LMAN2: variants seen among roughly 807,000 people sequenced by gnomAD.
LMAN2 encodes the protein vesicular integral-membrane protein VIP36.
Under a neutral mutation model 39.3 loss-of-function variants are expected in LMAN2, and 22 were observed. The observed-to-expected ratio is 0.56, with a 90% CI of 0.40 to 0.80. LMAN2 has a LOEUF of 0.80. LMAN2 is among the 30% of genes least tolerant of loss of function. The pLI, the probability that LMAN2 is intolerant of heterozygous loss-of-function variation, is 0.00. For synonymous variants in LMAN2, 207 were observed against 207.8 expected (o/e 1.00, Z 0.03); for missense variants, 494 against 505.4 (o/e 0.98, Z 0.22).
At chr5:177,333,605 C>G (rs555664234) in intron 7 of LMAN2, among the ~76,000 whole-genome samples, 1 of 152,246 alleles carries the variant, frequency 6.6e-6, no homozygotes, top group African/African-American at 2.4e-5. Context: ...GGCTGGGCTA[C>G]GACAGAGCCC....
At position 177,351,477 on chromosome 5, in the gene LMAN2, C is replaced by T. The variant is rs142685162; in HGVS notation, c.171G>A (p.Glu57=). The change falls in exon 1 of 8, where the codon GAG becomes GAA. Residue 57 remains glutamate, a synonymous_variant. Transcript: ENST00000303127. The part of the protein sequence containing the change: ...TDGNSEHLKR[E]HSLIKPYQGV... The stretch of plus-strand genomic sequence containing the variant: ...CTTGGTAGGGCTTAATGAGCGAATG[C>T]TCCCGCTTGAGATGTTCACTGTTGC... 8.7e-5 allele frequency: 140 copies of T among 1,613,592 alleles called. No individual in the cohort carries two copies. The African/African-American group carries it at 1.7e-3, about 20-fold the overall frequency.
At chr5:177,346,454 G>A (rs962540836) in intron 2 of LMAN2, 10 of 350,884 alleles carry the variant, frequency 2.8e-5, no homozygotes, top group African/African-American at 8.7e-5. Flanking sequence ...ATTGATTACC[G>A]GTTGTTGTTT....
In LMAN2 at chr5:177,337,220, A is replaced by G. The variant is rs1761487754; in HGVS notation, c.706T>C (p.Trp236Arg). The G allele has an allele frequency of 6.2e-7, 1 of 1,613,928 alleles. No homozygotes were observed. Among genetic ancestry groups the G allele is most frequent in the Non-Finnish European group, 8.5e-7 (1 of 1,179,936 alleles). ...VMTDLEDKNE[W>R]KNCIDITGVR... is the part of the protein sequence containing the mutation. ...CCCGTGATGTCAATGCAGTTCTTCC[A>G]CTCGTTCTTGTCCTCCAGGTCGGTC... The change falls in exon 6 of 8, where the codon TGG becomes CGG. Residue 236 changes from tryptophan (W) to arginine (R), a missense_variant. Transcript: ENST00000303127. This position sits in a 1 kb window ranked among gnomAD's most constrained non-coding sequence, Gnocchi z 8.2.
chr5:177,337,473 C>T lies in LMAN2; in HGVS notation c.565G>A (p.Asp189Asn), dbSNP rs779034556. 1.1e-5 allele frequency: 17 copies of T among 1,613,870 alleles called. No homozygotes were observed. Among genetic ancestry groups the T allele is most frequent in the East Asian group, 2.2e-5 (1 of 44,896 alleles). The part of the protein sequence containing the change: ...VMVNNGSLSY[D>N]HSKDGRWTEL... Reference sequence around the variant, plus strand: ...GTCCAGCGCCCATCCTTGCTGTGGTCGTAGGACAGGGAGCCATTGTTCACC... The same window carrying T: ...GTCCAGCGCCCATCCTTGCTGTGGTTGTAGGACAGGGAGCCATTGTTCACC... Residue 189 changes from aspartate (D) to asparagine (N), a missense_variant, in exon 5 of 8, where the codon GAC (aspartate) becomes AAC (asparagine). Transcript: ENST00000303127. The surrounding 1 kb of genome is among the most constrained non-coding windows in gnomAD (Gnocchi z 8.2).
chr5:177,334,308 C>T lies in LMAN2; in HGVS notation c.886G>A (p.Val296Ile), dbSNP rs1218901054. The T allele has an allele frequency of 6.2e-6, 10 of 1,612,372 alleles. No homozygotes were observed. Among genetic ancestry groups the T allele is most frequent in the Middle Eastern group, 1.9e-4 (1 of 5,162 alleles). Residue 296 changes from valine to isoleucine, a missense_variant, in exon 7 of 8, where the codon GTC becomes ATC. Transcript: ENST00000303127. ...SIDWTKIEPS[V>I]NFLKSPKDNV... ...CCTTTGGGCGACTTGAGGAAGTTGA[C>T]GCTGGGCTCGATCTTGGTCCAGTCG...
chr5:177,344,516 G>A (rs979488992), intron 2 of LMAN2, among the ~76,000 whole-genome samples: 14 of 151,130 alleles, frequency 9.3e-5, no homozygotes, highest in African/African-American at 2.9e-4. Flanking sequence ...TCCTGACCTC[G>A]TGATCCACCT....
At chr5:177,340,166 G>A (rs1761530222) in intron 2 of LMAN2, among the ~76,000 whole-genome samples, 1 of 152,046 alleles carries the variant, frequency 6.6e-6, no homozygotes, top group African/African-American at 2.4e-5. Context: ...TGACTAAAAA[G>A]AAAACCATAT....
chr5:177,340,606 C>T (rs1761535930), intron 2 of LMAN2, among the ~76,000 whole-genome samples: 1 of 152,216 alleles, frequency 6.6e-6, no homozygotes, highest in South Asian at 2.1e-4. Context: ...CCCGTCTCTA[C>T]TAAAAATACA....
intron 6 of LMAN2, 166 bp from the exon 7 acceptor site, chr5:177,334,569 C>T (rs962598159): frequency 3.5e-5 from 27 of 773,424 alleles, no homozygotes; most frequent in Non-Finnish European, 5.1e-5. Context: ...CAGCTCCCTC[C>T]AGTCACCAGC....
chr5:177,351,294 G>A lies in LMAN2; in HGVS notation c.197-3C>T. 16 of 1,613,746 alleles carry A rather than the reference G, an allele frequency of 9.9e-6. No homozygotes were observed. The highest frequency in any genetic ancestry group is 1.4e-5 in the Non-Finnish European group (16 of 1,179,948). On this transcript the variant is annotated splice_polypyrimidine_tract_variant and splice_region_variant and intron_variant, in intron 1 of 7. Transcript: ENST00000303127. ...GGGCATAGAGCTGGAACCGACCCCT[G>A]TGGGAAGAGACAGGTGCTAAGAGGC...
At chr5:177,345,784 T>TATTTATTTATTTA (rs201933579) in intron 2 of LMAN2, among the ~76,000 whole-genome samples, 1 of 150,498 alleles carries the variant, frequency 6.6e-6, no homozygotes, top group Non-Finnish European at 1.5e-5. Flanking sequence ...TTTATTTATT[T>TATTTATTTATTTA]TTTGAGACAG....
chr5:177,349,817 G>A (rs958847889), intron 2 of LMAN2, among the ~76,000 whole-genome samples: 5 of 152,182 alleles, frequency 3.3e-5, no homozygotes, highest in African/African-American at 9.7e-5. Context: ...TGTGACTCGG[G>A]GGAGATAGGG....
chr5:177,339,801 A>T (rs528350865), intron 2 of LMAN2, among the ~76,000 whole-genome samples: 1 of 152,240 alleles, frequency 6.6e-6, no homozygotes, highest in Non-Finnish European at 1.5e-5. Context: ...TGAATAATGT[A>T]TAATAAACAT....
In LMAN2 at chr5:177,332,122, G is replaced by T; in HGVS notation, c.1035C>A (p.Phe345Leu). 2 of 1,613,504 alleles carry T rather than the reference G, an allele frequency of 1.2e-6. No homozygotes were observed. Among genetic ancestry groups the T allele is most frequent in the Non-Finnish European group, 1.7e-6 (2 of 1,179,880 alleles). Residue 345 changes from phenylalanine (F) to leucine (L), a missense_variant, in exon 8 of 8, where the codon TTC becomes TTA. Transcript: ENST00000303127. This position sits in a 1 kb window ranked among gnomAD's most constrained non-coding sequence, Gnocchi z 6.3. Reference protein sequence around the residue: ...VVCAVVGAVVFQKRQERNKRF... With the variant: ...VVCAVVGAVVLQKRQERNKRF... ...GCTTGTTCCGCTCCTGCCGCTTCTG[G>T]AACACCACGGCCCCCACCACGGCGC...
intron 2 of LMAN2, among the ~76,000 whole-genome samples, chr5:177,342,670 A>G (rs1761574181): frequency 6.6e-6 from 1 of 151,980 alleles, no homozygotes; most frequent in Non-Finnish European, 1.5e-5. Context: ...TAGGCAATAA[A>G]ATGAGACCCT....
intron 6 of LMAN2, among the ~76,000 whole-genome samples, chr5:177,334,939 G>C (rs1369971147): frequency 6.6e-6 from 1 of 152,208 alleles, no homozygotes; most frequent in Non-Finnish European, 1.5e-5. Flanking sequence ...CTAAGGGCCT[G>C]AGCCTAACGC....
intron 2 of LMAN2, among the ~76,000 whole-genome samples, chr5:177,343,799 T>C (rs527847442): frequency 5.3e-5 from 8 of 152,082 alleles, no homozygotes; most frequent in Non-Finnish European, 8.8e-5. Flanking sequence ...ATGGGAGTGA[T>C]TGTTAAATGG....
chr5:177,347,813 C>T (rs149066871), intron 2 of LMAN2, among the ~76,000 whole-genome samples: 1 of 152,142 alleles, frequency 6.6e-6, no homozygotes, highest in East Asian at 1.9e-4. Context: ...TTCAGTGATG[C>T]TGCTCTACCA....
Position 177,351,079 on chromosome 5 carries a change from C to A in LMAN2, c.315+94G>T. ...GAGGAAAAGGCCAGGGACGGAGGTG[C>A]AAACCTATAAACGAAGCTGGGGTCT... On this transcript the variant is annotated intron_variant, in intron 2 of 7. Transcript: ENST00000303127. The A allele has an allele frequency of 1.1e-5, 12 of 1,104,912 alleles. No individual in the cohort carries two copies. The South Asian group carries it at 1.2e-4, about 12-fold the overall frequency. The allele number at this position is 1,104,912 out of a possible 1,614,324, so 68.4% of individuals were successfully genotyped here. A position where few individuals can be genotyped will look rare whatever the true frequency, so the allele number is the denominator to read the frequency against.
Sources: allele counts gnomAD v4.1 joint callset (sites outside exome capture counted in the v4.1 genomes callset), GRCh38; gene constraint gnomAD v4.1.1; non-coding constraint Gnocchi (gnomAD v3.1); transcripts MANE v1.5; gene names NCBI Gene and HGNC (gene_info 2026-07-23, HGNC 2026-07-21).